TELO2: variants seen among roughly 807,000 people sequenced by gnomAD.
TELO2 encodes telomere maintenance 2.
In TELO2, 71 loss-of-function variants were observed where a neutral mutation model predicts 91.0. That is an observed-to-expected ratio of 0.78 (90% CI 0.64 to 0.95). The LOEUF (loss-of-function observed/expected upper bound fraction) is 0.95. TELO2 is among the 40% of genes least tolerant of loss of function. The pLI is 0.00. For synonymous variants in TELO2, 584 were observed against 518.9 expected (o/e 1.13, Z -1.71); for missense variants, 1,183 against 1,141.3 (o/e 1.04, Z -0.53).
intron 20 of TELO2, among the ~76,000 whole-genome samples, chr16:1,508,243 C>A (rs2039980871): frequency 6.6e-6 from 1 of 152,212 alleles, no homozygotes; most frequent in African/African-American, 2.4e-5. Flanking sequence ...AGCAATTCTC[C>A]CGCCTCAGCC....
chr16:1,504,314 G>A (rs1317019449), intron 15 of TELO2, among the ~76,000 whole-genome samples: 1 of 149,820 alleles, frequency 6.7e-6, no homozygotes, highest in Non-Finnish European at 1.5e-5. Context: ...CATGCCTGTA[G>A]TCCCAGTTAC....
chr16:1,495,218 G>A, intron 2 of TELO2, 128 bp from the exon 3 acceptor site: 1 of 1,320,726 alleles, frequency 7.6e-7, no homozygotes, highest in Non-Finnish European at 1.0e-6. Context: ...CCGGCTTGTG[G>A]TTTTGGACTT....
At position 1,505,313 on chromosome 16, in the gene TELO2, G is replaced by A. The variant is rs1596267755; in HGVS notation, c.1843-97G>A. 7.0e-7 allele frequency: 1 copy of A among 1,419,676 alleles called. No individual in the cohort carries two copies. Among genetic ancestry groups the A allele is most frequent in the East Asian group, 2.3e-5 (1 of 43,098 alleles). 87.9% of individuals were successfully genotyped at this position (1,419,676 alleles called of 1,614,324 possible). A position where few individuals can be genotyped will look rare whatever the true frequency, so the allele number is the denominator to read the frequency against. Reference sequence around the variant, plus strand: ...ACACACCTTCTCCCAGGCTGGGCGGGCCCCCGGGCCCGTTTCTGGGGCTTT... The same window carrying A: ...ACACACCTTCTCCCAGGCTGGGCGGACCCCCGGGCCCGTTTCTGGGGCTTT... On this transcript the variant is annotated intron_variant, in intron 15 of 20. Transcript: ENST00000262319. This position sits in a 1 kb window ranked among gnomAD's most constrained non-coding sequence, Gnocchi z 4.3.
chr16:1,504,849 G>A (rs1021648435), intron 15 of TELO2, among the ~76,000 whole-genome samples: 4 of 151,576 alleles, frequency 2.6e-5, no homozygotes, highest in African/African-American at 7.3e-5. Context: ...GGTGGCGTTC[G>A]GAACATCCAC....
chr16:1,502,614 C>T, intron 13 of TELO2, 31 bp from the exon 14 acceptor site: 1 of 1,601,708 alleles, frequency 6.2e-7, no homozygotes, highest in South Asian at 1.1e-5. Flanking sequence ...CTGGGTCCGA[C>T]AGGTTTCCCA....
rs1237077618 is a variant in TELO2 at position 1,509,937 on chromosome 16, T to G, written c.*1T>G. ...GCTCCTCCCACCCGCGTCTCCCTAG[T>G]CCCTGGAGGCCTCCCCAGGACCACC... On this transcript the variant is annotated 3_prime_UTR_variant, in exon 21 of 21. Coordinates refer to ENST00000262319, the MANE Select transcript of TELO2 (RefSeq NM_016111.4). 3 of 1,587,994 alleles carry G rather than the reference T, an allele frequency of 1.9e-6. No individual in the cohort carries two copies. In the South Asian group the frequency reaches 3.4e-5, roughly 18 times the overall value.
At position 1,505,654 on chromosome 16, in the gene TELO2, G is replaced by C; in HGVS notation, c.2034+53G>C. 364 of 665,872 alleles carry C rather than the reference G, an allele frequency of 5.5e-4. No homozygotes were observed. The highest frequency in any genetic ancestry group is 8.4e-4 in the Non-Finnish European group (319 of 378,354). The allele number at this position is 665,872 out of a possible 1,614,324, so 41.2% of individuals were successfully genotyped here. A position where few individuals can be genotyped will look rare whatever the true frequency, so the allele number is the denominator to read the frequency against. ...GGGCATGGGGACCGTGGGTGGGTGG[G>C]AAGGGCGGTCAGACACCTCCAGGCG... On this transcript the variant is annotated intron_variant, in intron 16 of 20. Coordinates refer to ENST00000262319, the MANE Select transcript of TELO2 (RefSeq NM_016111.4). This position sits in a 1 kb window ranked among gnomAD's most constrained non-coding sequence, Gnocchi z 4.3.
rs7191986 is a variant in TELO2 at position 1,509,964 on chromosome 16, T to C, written c.*28T>C. On this transcript the variant is annotated 3_prime_UTR_variant, in exon 21 of 21. Transcript: ENST00000262319. ...CCTGGAGGCCTCCCCAGGACCACCC[T>C]CGCCGACAGCAAGGCAGGCGGCTGA... 0.081 allele frequency: 125,840 copies of C among 1,553,992 alleles called. 6,497 individuals carry two copies. Among genetic ancestry groups the C allele is most frequent in the African/African-American group, 0.24 (17,494 of 73,186 alleles).
rs774465498 is a variant in TELO2, at chr16:1,507,417, C to T, written c.2291+47C>T. The T allele has an allele frequency of 6.2e-6, 10 of 1,601,882 alleles. No homozygotes were observed. The East Asian group carries it at 1.6e-4, about 25-fold the overall frequency. ...GCCAGGCCAGGGGTGCAGGCAGACA[C>T]AGGGGTCTTATTGTGGGGGCCCCGT... On this transcript the variant is annotated intron_variant, in intron 19 of 20. Coordinates refer to ENST00000262319, the MANE Select transcript of TELO2 (RefSeq NM_016111.4).
rs201267673 is a variant in TELO2, at chr16:1,502,036, C to G, written c.1473-11C>G. 2 of 1,613,316 alleles carry G rather than the reference C, an allele frequency of 1.2e-6. No homozygotes were observed. Among genetic ancestry groups the G allele is most frequent in the East Asian group, 2.2e-5 (1 of 44,888 alleles). ...CCATGGGCTGCTCATGTCTGCTTTG[C>G]TCTCCCACAGCGATGATGAGTTTGT... On this transcript the variant is annotated splice_polypyrimidine_tract_variant and intron_variant, in intron 11 of 20. Transcript: ENST00000262319.
chr16:1,502,465 G>C (rs1286043924), intron 13 of TELO2, 61 bp downstream of exon 13: 2 of 1,543,298 alleles, frequency 1.3e-6, no homozygotes, highest in Admixed American at 1.9e-5. Flanking sequence ...AATGCCATCT[G>C]TGTCCTGGCC....
In TELO2 at chr16:1,505,092, C is replaced by A; in HGVS notation, c.1843-318C>A. 1 of 305,570 alleles carries A rather than the reference C, an allele frequency of 3.3e-6. No homozygotes were observed. Among genetic ancestry groups the A allele is most frequent in the Non-Finnish European group, 6.1e-6 (1 of 163,032 alleles). The allele number at this position is 305,570 out of a possible 1,614,324, so 18.9% of individuals were successfully genotyped here. On this transcript the variant is annotated intron_variant, in intron 15 of 20. Transcript: ENST00000262319. The surrounding 1 kb of genome is among the most constrained non-coding windows in gnomAD (Gnocchi z 4.3). ...ACGTGCCGCTGCAGCGTTGCTTTTG[C>A]TGTGAGGCCGACTTCCTGGGATAAG...
Position 1,497,020 on chromosome 16 carries a change from T to A in TELO2, c.614-16T>A. On this transcript the variant is annotated splice_polypyrimidine_tract_variant and intron_variant, in intron 3 of 20. Transcript: ENST00000262319. The surrounding 1 kb of genome is among the most constrained non-coding windows in gnomAD (Gnocchi z 4.0). Reference sequence around the variant, plus strand: ...TTCCCGCCGGCTTCCTCATCAGGCCTCCCTTTCTGTCCCAGGTGGCCTGGA... The same window carrying A: ...TTCCCGCCGGCTTCCTCATCAGGCCACCCTTTCTGTCCCAGGTGGCCTGGA... The A allele has an allele frequency of 6.2e-7, 1 of 1,613,468 alleles. No homozygotes were observed. The highest frequency in any genetic ancestry group is 1.1e-5 in the South Asian group (1 of 90,968).
chr16:1,500,510 C>A (rs1213638129), intron 8 of TELO2, 22 bp downstream of exon 8: 4 of 1,609,372 alleles, frequency 2.5e-6, no homozygotes, highest in Admixed American at 3.4e-5. Context: ...GTTTGGGCTC[C>A]CCCCGGCCTC....
chr16:1,500,188 C>G (rs750189948), intron 7 of TELO2, 24 bp downstream of exon 7: 2 of 1,583,946 alleles, frequency 1.3e-6, no homozygotes, highest in South Asian at 2.3e-5. Flanking sequence ...GGCTCTCCGT[C>G]CCTGCGAGGC....
At chr16:1,500,284 G>A in intron 7 of TELO2, 63 bp from the exon 8 acceptor site, 1 of 1,535,750 alleles carries the variant, frequency 6.5e-7, no homozygotes, top group Non-Finnish European at 8.7e-7. Flanking sequence ...CAGAGTGGCT[G>A]TGGGCCTGGC....
intron 17 of TELO2, chr16:1,506,605 G>C (rs2039901642): frequency 1.4e-6 from 2 of 1,393,314 alleles, no homozygotes; most frequent in Non-Finnish European, 1.9e-6. Flanking sequence ...GCCATCACCT[G>C]CTGGGCCCTG....
rs1157826596 is a variant in TELO2 at position 1,495,520 on chromosome 16, C to T, written c.510C>T (p.Arg170=). ...VVALPDHLGN[R]LQQENLAEFF... ...CCCTGCCCGATCACCTGGGCAACCG[C>T]CTGCAGCAGGAGAACTTGGCCGAGT... Residue 170 remains arginine, a synonymous_variant, in exon 3 of 21, where the codon CGC becomes CGT. Coordinates refer to ENST00000262319, the MANE Select transcript of TELO2 (RefSeq NM_016111.4). 2.5e-6 allele frequency: 4 copies of T among 1,611,324 alleles called. No homozygotes were observed. Among genetic ancestry groups the T allele is most frequent in the South Asian group, 2.2e-5 (2 of 91,090 alleles).
In TELO2 at chr16:1,503,176, G is replaced by A. The variant is rs113506466; in HGVS notation, c.1842+174G>A. On this transcript the variant is annotated intron_variant, in intron 15 of 20. Coordinates refer to ENST00000262319, the MANE Select transcript of TELO2 (RefSeq NM_016111.4). Reference sequence around the variant, plus strand: ...CAGCAGTGGGGGAGTCAGGGCTCCCGGGGCAGAGAGTTTTGTTTGTTTAAA... The same window carrying A: ...CAGCAGTGGGGGAGTCAGGGCTCCCAGGGCAGAGAGTTTTGTTTGTTTAAA... 6.5e-3 allele frequency among the ~76,000 whole-genome samples: 995 copies of A among 152,302 alleles called. 17 individuals carry two copies. Among genetic ancestry groups the A allele is most frequent in the African/African-American group, 0.022 (925 of 41,556 alleles).
Sources: allele counts gnomAD v4.1 joint callset (sites outside exome capture counted in the v4.1 genomes callset), GRCh38; gene constraint gnomAD v4.1.1; non-coding constraint Gnocchi (gnomAD v3.1); transcripts MANE v1.5; gene names NCBI Gene and HGNC (gene_info 2026-07-23, HGNC 2026-07-21).